EGR1: variants seen among roughly 807,000 people sequenced by gnomAD.
The protein encoded by EGR1 is early growth response protein 1.
In EGR1, 8 loss-of-function variants were observed where a neutral mutation model predicts 30.2. The observed-to-expected ratio is 0.26, with a 90% CI of 0.16 to 0.48. The LOEUF (loss-of-function observed/expected upper bound fraction) is 0.48, where lower values mean the gene tolerates loss of function less well. Among genes scored for constraint, EGR1 ranks in the 20% least tolerant of loss-of-function variants. The pLI, the probability that EGR1 is intolerant of heterozygous loss-of-function variation, is 0.99. For synonymous variants in EGR1, 334 were observed against 312.8 expected (o/e 1.07, Z -0.72); for missense variants, 568 against 732.3 (o/e 0.78, Z 2.59).
rs140268489 is a variant in EGR1, at chr5:138,465,943, ACAGCAGCAG to A, written c.193_201del (p.Ser65_Ser67del). The A allele has an allele frequency of 4.3e-6, 7 of 1,612,566 alleles. No homozygotes were observed. The highest frequency in any genetic ancestry group is 1.3e-5 in the African/African-American group (1 of 74,990). The stretch of plus-strand genomic sequence containing the variant: ...GGGGCCCCAGAGGGCAGCGGCAGCA[ACAGCAGCAG>A]CAGCAGCAGCGGGGGCGGTGGAGGC... On this transcript the variant is annotated inframe_deletion, in exon 1 of 2. Transcript: ENST00000239938.
At position 138,465,725 on chromosome 5, in the gene EGR1, C is replaced by T. The variant is rs6873141; in HGVS notation, c.-37C>T. ...AGCTCCAGCCCCGGGCTGCACCCCC[C>T]CGCCCCGACACCAGCTCTCCAGCCT... On this transcript the variant is annotated 5_prime_UTR_variant, in exon 1 of 2. Coordinates refer to ENST00000239938, the MANE Select transcript of EGR1 (RefSeq NM_001964.3). The T allele has an allele frequency of 6.5e-7, 1 of 1,534,592 alleles. No individual in the cohort carries two copies. Among genetic ancestry groups the T allele is most frequent in the Non-Finnish European group, 8.8e-7 (1 of 1,139,882 alleles).
chr5:138,466,703 C>T, intron 1 of EGR1, 54 bp from the exon 2 acceptor site: 1 of 1,561,192 alleles, frequency 6.4e-7, no homozygotes. Context: ...CGTCCTCGTC[C>T]TCCAGTGATT....
rs199701650 is a variant in EGR1 at position 138,467,097 on chromosome 5, T to C, written c.648T>C (p.Ile216=). The C allele has an allele frequency of 2.9e-5, 47 of 1,613,732 alleles. No individual in the cohort carries two copies. Among genetic ancestry groups the C allele is most frequent in the Non-Finnish European group, 4.0e-5 (47 of 1,180,002 alleles). Residue 216 remains isoleucine (I), a synonymous_variant, in exon 2 of 2, where the codon ATT becomes ATC. Transcript: ENST00000239938. The surrounding 1 kb of genome is among the most constrained non-coding windows in gnomAD (Gnocchi z 8.3). The part of the protein sequence containing the change: ...APTFPTPNTD[I]FPEPQSQAFP... ...CCTTCCCCACGCCGAACACTGACATTTTCCCTGAGCCACAAAGCCAGGCCT... is the reference window on the plus strand; with the variant it reads ...CCTTCCCCACGCCGAACACTGACATCTTCCCTGAGCCACAAAGCCAGGCCT...
Position 138,467,779 on chromosome 5 carries a change from T to C in EGR1, c.1330T>C (p.Ser444Pro). Reference sequence around the variant, plus strand: ...CACCTCCTCTCTCTCTTCCTACCCGTCCCCGGTTGCTACCTCTTACCCGTC... The same window carrying C: ...CACCTCCTCTCTCTCTTCCTACCCGCCCCCGGTTGCTACCTCTTACCCGTC... ...SATSSLSSYPSPVATSYPSPV... is the reference protein window; with the variant it reads ...SATSSLSSYPPPVATSYPSPV... The change falls in exon 2 of 2, where the codon TCC (serine) becomes CCC (proline). Residue 444 changes from serine (S) to proline (P), a missense_variant. Physicochemically the swap from Ser to Pro is moderately conservative, Grantham distance 74 (BLOSUM62 -1). Around this residue, in one of 4 missense-constraint regions of EGR1, gnomAD observed 118 missense variants for 161.6 expected, o/e 0.73. Coordinates refer to ENST00000239938, the MANE Select transcript of EGR1 (RefSeq NM_001964.3). The surrounding 1 kb of genome is among the most constrained non-coding windows in gnomAD (Gnocchi z 8.3). The C allele has an allele frequency of 6.2e-7, 1 of 1,613,596 alleles. No homozygotes were observed. The highest frequency in any genetic ancestry group is 8.5e-7 in the Non-Finnish European group (1 of 1,179,716).
Position 138,466,022 on chromosome 5 carries a change from C to T in EGR1, c.261C>T (p.Asn87=). The change falls in exon 1 of 2, where the codon AAC becomes AAT. Residue 87 remains asparagine, a synonymous_variant. Coordinates refer to ENST00000239938, the MANE Select transcript of EGR1 (RefSeq NM_001964.3). ...SNSSSSSSTF[N]PQADTGEQPY... The stretch of plus-strand genomic sequence containing the variant: ...GCAGCAGCAGCAGCAGCACCTTCAA[C>T]CCTCAGGCGGACACGGGCGAGCAGC... 6.2e-7 allele frequency: 1 copy of T among 1,605,628 alleles called. No individual in the cohort carries two copies. Among genetic ancestry groups the T allele is most frequent in the Non-Finnish European group, 8.5e-7 (1 of 1,176,344 alleles).
Position 138,467,896 on chromosome 5 carries a change from C to T in EGR1, c.1447C>T (p.Pro483Ser). The T allele has an allele frequency of 2.5e-6, 4 of 1,613,890 alleles. No individual in the cohort carries two copies. The highest frequency in any genetic ancestry group is 3.4e-6 in the Non-Finnish European group (4 of 1,179,878). Reference protein sequence around the residue: ...SFSSPGSSTYPSPVHSGFPSP... With the variant: ...SFSSPGSSTYSSPVHSGFPSP... ...CTCCTCTCCCGGCTCCTCGACCTAC[C>T]CATCCCCTGTGCACAGTGGCTTCCC... Residue 483 changes from proline to serine, a missense_variant, in exon 2 of 2, where the codon CCA becomes TCA. Physicochemically the swap from Pro to Ser is moderately conservative, Grantham distance 74 (BLOSUM62 -1). Around this residue, in one of 4 missense-constraint regions of EGR1, gnomAD observed 118 missense variants for 161.6 expected, o/e 0.73. Coordinates refer to ENST00000239938, the MANE Select transcript of EGR1 (RefSeq NM_001964.3). This position sits in a 1 kb window ranked among gnomAD's most constrained non-coding sequence, Gnocchi z 8.3.
At position 138,466,881 on chromosome 5, in the gene EGR1, C is replaced by T. The variant is rs28365166; in HGVS notation, c.432C>T (p.Asn144=). ...GCTTTTCCCTGGAGCCTGCACCCAA[C>T]AGTGGCAACACCTTGTGGCCCGAGC... is the stretch of plus-strand genomic sequence containing the variant. ...TGRFSLEPAP[N]SGNTLWPEPL... The change falls in exon 2 of 2, where the codon AAC becomes AAT. Residue 144 remains asparagine (N), a synonymous_variant. Transcript: ENST00000239938. 6.2e-7 allele frequency: 1 copy of T among 1,613,994 alleles called. No individual in the cohort carries two copies. The highest frequency in any genetic ancestry group is 8.5e-7 in the Non-Finnish European group (1 of 1,180,024).
chr5:138,467,572 C>T lies in EGR1; in HGVS notation c.1123C>T (p.Arg375Cys). Residue 375 changes from arginine (R) to cysteine (C), a missense_variant, in exon 2 of 2, where the codon CGC becomes TGC. Arg to Cys is a radical substitution (Grantham distance 180). Transcript: ENST00000239938. The surrounding 1 kb of genome is among the most constrained non-coding windows in gnomAD (Gnocchi z 8.3). ...QKPFQCRICM[R>C]NFSRSDHLTT... Reference sequence around the variant, plus strand: ...GCCCTTCCAGTGCCGCATCTGCATGCGCAACTTCAGCCGCAGCGACCACCT... The same window carrying T: ...GCCCTTCCAGTGCCGCATCTGCATGTGCAACTTCAGCCGCAGCGACCACCT... 6.2e-7 allele frequency: 1 copy of T among 1,613,928 alleles called. No homozygotes were observed. Among genetic ancestry groups the T allele is most frequent in the Non-Finnish European group, 8.5e-7 (1 of 1,180,038 alleles).
chr5:138,466,265 C>G (rs974936557), intron 1 of EGR1, among the ~76,000 whole-genome samples, 197 bp downstream of exon 1: 2 of 152,378 alleles, frequency 1.3e-5, no homozygotes, highest in East Asian at 3.9e-4. Flanking sequence ...TAGCGGAGCG[C>G]AGAGGACCGA....
rs1282973225 is a variant in EGR1 at position 138,468,324 on chromosome 5, C to T, written c.*243C>T. On this transcript the variant is annotated 3_prime_UTR_variant, in exon 2 of 2. Transcript: ENST00000239938. The stretch of plus-strand genomic sequence containing the variant: ...TGCCTGAAACAGCCATGTCCAAGTT[C>T]TTCACCTCTATCCAAAGAACTTGAT... 3.8e-6 allele frequency: 3 copies of T among 782,652 alleles called. No individual in the cohort carries two copies. In the East Asian group the frequency reaches 8.8e-5, roughly 23 times the overall value. 48.5% of individuals were successfully genotyped at this position (782,652 alleles called of 1,614,324 possible). A position where few individuals can be genotyped will look rare whatever the true frequency, so the allele number is the denominator to read the frequency against.
In EGR1 at chr5:138,467,865, C is replaced by T. The variant is rs201012682; in HGVS notation, c.1416C>T (p.Thr472=). ...ATTSYPSPVP[T]SFSSPGSSTY... ...CCTCATACCCATCCCCTGTGCCCAC[C>T]TCCTTCTCCTCTCCCGGCTCCTCGA... Residue 472 remains threonine (T), a synonymous_variant, in exon 2 of 2, where the codon ACC becomes ACT. Transcript: ENST00000239938. This position sits in a 1 kb window ranked among gnomAD's most constrained non-coding sequence, Gnocchi z 8.3. The T allele has an allele frequency of 1.7e-5, 27 of 1,613,862 alleles. No individual in the cohort carries two copies. The highest frequency in any genetic ancestry group is 2.2e-5 in the South Asian group (2 of 91,082).
chr5:138,468,139 CAGG>C lies in EGR1; in HGVS notation c.*67_*69del. 1 of 1,534,714 alleles carries C rather than the reference CAGG, an allele frequency of 6.5e-7. No homozygotes were observed. The highest frequency in any genetic ancestry group is 8.8e-7 in the Non-Finnish European group (1 of 1,142,430). On this transcript the variant is annotated 3_prime_UTR_variant, in exon 2 of 2. Transcript: ENST00000239938. The stretch of plus-strand genomic sequence containing the variant: ...AAAGAAACACAAGAGACTTAAAGGA[CAGG>C]AGGAGGAGATGGCCATAGGAGAGGA...
At position 138,468,372 on chromosome 5, in the gene EGR1, A is replaced by G. The variant is rs201027575; in HGVS notation, c.*291A>G. 103 of 588,004 alleles carry G rather than the reference A, an allele frequency of 1.8e-4. No homozygotes were observed. The highest frequency in any genetic ancestry group is 5.3e-4 in the Middle Eastern group (2 of 3,758). The allele number at this position is 588,004 out of a possible 1,614,324, so 36.4% of individuals were successfully genotyped here. On this transcript the variant is annotated 3_prime_UTR_variant, in exon 2 of 2. Transcript: ENST00000239938. ...GATTTGCATGGATTTTGGATAAATC[A>G]TTTCAGTATCATCTCCATCATATGC...
Position 138,468,018 on chromosome 5 carries a change from C to G in EGR1, c.1569C>G (p.Ser523Arg). 1 of 1,612,128 alleles carries G rather than the reference C, an allele frequency of 6.2e-7. No individual in the cohort carries two copies. Among genetic ancestry groups the G allele is most frequent in the South Asian group, 1.1e-5 (1 of 90,772 alleles). The change falls in exon 2 of 2, where the codon AGC (serine) becomes AGG (arginine). Residue 523 changes from serine to arginine, a missense_variant. By Grantham distance (110) the Ser-to-Arg change is moderately radical. Around this residue, in one of 4 missense-constraint regions of EGR1, gnomAD observed 118 missense variants for 161.6 expected, o/e 0.73. Coordinates refer to ENST00000239938, the MANE Select transcript of EGR1 (RefSeq NM_001964.3). ...FPSSAVTNSFSASTGLSDMTA... is the reference protein window; with the variant it reads ...FPSSAVTNSFRASTGLSDMTA... ...CCTCAGCTGTCACCAACTCCTTCAG[C>G]GCCTCCACAGGGCTTTCGGACATGA...
Position 138,467,176 on chromosome 5 carries a change from G to T in EGR1, c.727G>T (p.Ala243Ser). The change falls in exon 2 of 2, where the codon GCC becomes TCC. Residue 243 changes from alanine to serine, a missense_variant. Physicochemically the swap from Ala to Ser is moderately conservative, Grantham distance 99. Coordinates refer to ENST00000239938, the MANE Select transcript of EGR1 (RefSeq NM_001964.3). This position sits in a 1 kb window ranked among gnomAD's most constrained non-coding sequence, Gnocchi z 8.3. ...LQYPPPAYPA[A>S]KGGFQVPMIP... is the part of the protein sequence containing the mutation. ...GTACCCGCCTCCTGCCTACCCTGCC[G>T]CCAAGGGTGGCTTCCAGGTTCCCAT... is the stretch of plus-strand genomic sequence containing the variant. The T allele has an allele frequency of 1.2e-6, 2 of 1,612,670 alleles. No individual in the cohort carries two copies. The highest frequency in any genetic ancestry group is 1.6e-4 in the Middle Eastern group (1 of 6,062).
rs147127069 is a variant in EGR1, at chr5:138,465,914, C to T, written c.153C>T (p.Ala51=). The change falls in exon 1 of 2, where the codon GCC becomes GCT. Residue 51 remains alanine, a synonymous_variant. Coordinates refer to ENST00000239938, the MANE Select transcript of EGR1 (RefSeq NM_001964.3). ...ACGGGGCTCCCCAGTTCCTCGGCGC[C>T]GCCGGGGCCCCAGAGGGCAGCGGCA... The part of the protein sequence containing the change: ...LSNGAPQFLG[A]AGAPEGSGSN... 2 of 1,613,778 alleles carry T rather than the reference C, an allele frequency of 1.2e-6. No individual in the cohort carries two copies. The highest frequency in any genetic ancestry group is 1.7e-6 in the Non-Finnish European group (2 of 1,179,844).
In EGR1 at chr5:138,468,453, G is replaced by A. The variant is rs199660024; in HGVS notation, c.*372G>A. On this transcript the variant is annotated 3_prime_UTR_variant, in exon 2 of 2. Coordinates refer to ENST00000239938, the MANE Select transcript of EGR1 (RefSeq NM_001964.3). ...ATCGAGTTGGCAAAATGGGGTTTGGGCCCCTCAGAGCCCTGCCCTGCACCC... is the reference window on the plus strand; with the variant it reads ...ATCGAGTTGGCAAAATGGGGTTTGGACCCCTCAGAGCCCTGCCCTGCACCC... 3.8e-5 allele frequency: 16 copies of A among 416,544 alleles called. No individual in the cohort carries two copies. The highest frequency in any genetic ancestry group is 2.7e-4 in the South Asian group (15 of 56,308). 25.8% of individuals were successfully genotyped at this position (416,544 alleles called of 1,614,324 possible). A position where few individuals can be genotyped will look rare whatever the true frequency, so the allele number is the denominator to read the frequency against.
Position 138,465,971 on chromosome 5 carries a change from T to A in EGR1, c.210T>A (p.Gly70=). The A allele has an allele frequency of 6.2e-7, 1 of 1,610,692 alleles. No individual in the cohort carries two copies. The highest frequency in any genetic ancestry group is 8.5e-7 in the Non-Finnish European group (1 of 1,178,566). The change falls in exon 1 of 2, where the codon GGT becomes GGA. Residue 70 remains glycine (G), a synonymous_variant. Transcript: ENST00000239938. ...SNSSSSSSGG[G]GGGGGGSNSS... The stretch of plus-strand genomic sequence containing the variant: ...GCAGCAGCAGCAGCAGCGGGGGCGG[T>A]GGAGGCGGCGGGGGCGGCAGCAACA...
intron 1 of EGR1, among the ~76,000 whole-genome samples, chr5:138,466,281 T>A (rs536771280): frequency 6.6e-6 from 1 of 152,306 alleles, no homozygotes; most frequent in South Asian, 2.1e-4. Context: ...ACCGAGCTTT[T>A]GTTTTGGATG....
Sources: gnomAD v4.1 joint callset for allele counts (sites outside exome capture counted in the v4.1 genomes callset) on GRCh38, gnomAD v4.1.1 for gene constraint, gnomAD v4.1.1 regional missense constraint, Gnocchi (gnomAD v3.1) non-coding constraint, MANE v1.5 for transcripts, NCBI Gene and HGNC (gene_info 2026-07-23, HGNC 2026-07-21) for gene names.